Variants in WDPCP observed in about 807,000 individuals in gnomAD.
WDPCP encodes the protein WD repeat-containing and planar cell polarity effector protein fritz homolog.
In WDPCP, 71 loss-of-function variants were observed where a neutral mutation model predicts 93.1. That is an observed-to-expected ratio of 0.76 (90% CI 0.63 to 0.93). WDPCP has a LOEUF of 0.93. Among genes scored for constraint, WDPCP ranks in the 40% least tolerant of loss-of-function variants. The pLI is 0.00. For synonymous variants in WDPCP, 315 were observed against 315.0 expected, an observed-to-expected ratio of 1.00 and a Z score of 0.00; for missense variants, 844 against 887.4, an observed-to-expected ratio of 0.95 and a Z score of 0.62.
At chr2:63,357,325 A>G (rs1690092099) in intron 12 of WDPCP, among the ~76,000 whole-genome samples, 1 of 152,232 alleles carries the variant, frequency 6.6e-6, no homozygotes, top group African/African-American at 2.4e-5. Flanking sequence ...CAACAGAGTA[A>G]ACAGACAACT....
At chr2:63,710,199 G>A (rs1575754439) in intron 2 of WDPCP, among the ~76,000 whole-genome samples, 1 of 152,270 alleles carries the variant, frequency 6.6e-6, no homozygotes, top group African/African-American at 2.4e-5. Context: ...GTGGGGTGGC[G>A]ATGAGCAGCA....
At chr2:63,609,840 T>C (rs1258423088) in intron 3 of WDPCP, among the ~76,000 whole-genome samples, 3 of 152,138 alleles carry the variant, frequency 2.0e-5, no homozygotes, top group Admixed American at 6.5e-5. Context: ...CCACTGCACT[T>C]TAGTCTGGGT....
At chr2:63,472,716 C>T (rs767572173) in intron 6 of WDPCP, among the ~76,000 whole-genome samples, 6 of 152,042 alleles carry the variant, frequency 3.9e-5, no homozygotes, top group South Asian at 2.1e-4. Flanking sequence ...TGTGCCACCA[C>T]GCCTGGCTAA....
intron 2 of WDPCP, among the ~76,000 whole-genome samples, chr2:63,774,179 G>A (rs1451300444): frequency 6.6e-6 from 1 of 151,972 alleles, no homozygotes; most frequent in Non-Finnish European, 1.5e-5. Context: ...ACAGTGCCAA[G>A]CAATTATGGA....
intron 1 of WDPCP, among the ~76,000 whole-genome samples, chr2:63,507,272 GT>G (rs1156257908): frequency 1.3e-5 from 2 of 151,868 alleles, no homozygotes; most frequent in African/African-American, 4.8e-5. Context: ...AAAAAAATAG[GT>G]CACATAAAAA....
chr2:63,687,191 C>T (rs1428565581), intron 2 of WDPCP, among the ~76,000 whole-genome samples: 1 of 152,190 alleles, frequency 6.6e-6, no homozygotes, highest in African/African-American at 2.4e-5. Context: ...GTTGGACAAG[C>T]TTGACGTAAA....
At chr2:63,387,327 A>G (rs1367543436) in intron 10 of WDPCP, among the ~76,000 whole-genome samples, 1 of 152,200 alleles carries the variant, frequency 6.6e-6, no homozygotes, top group African/African-American at 2.4e-5. Flanking sequence ...TTAGGTCAAC[A>G]TACACAAATC....
intron 13 of WDPCP, among the ~76,000 whole-genome samples, chr2:63,269,832 C>T (rs906696968): frequency 1.3e-5 from 2 of 152,156 alleles, no homozygotes; most frequent in Non-Finnish European, 2.9e-5. Context: ...TACAGCTTTA[C>T]AGGTTTAAAC....
intron 17 of WDPCP, among the ~76,000 whole-genome samples, chr2:63,135,022 C>T (rs1450441714): frequency 6.6e-6 from 1 of 152,096 alleles, no homozygotes; most frequent in African/African-American, 2.4e-5. Context: ...ACCTGGGAGG[C>T]TCAGGTGGGA....
At chr2:63,739,599 C>G (rs1306544093) in intron 2 of WDPCP, among the ~76,000 whole-genome samples, 1 of 151,892 alleles carries the variant, frequency 6.6e-6, no homozygotes, top group African/African-American at 2.4e-5. Flanking sequence ...TGAGGAATCA[C>G]CACACTGCTT....
At chr2:63,427,014 A>C (rs1696369104) in intron 9 of WDPCP, among the ~76,000 whole-genome samples, 1 of 152,204 alleles carries the variant, frequency 6.6e-6, no homozygotes, top group Admixed American at 6.5e-5. Flanking sequence ...AACAATAAAA[A>C]AAGGTTCGAT....
chr2:63,258,130 T>G (rs1332109622), intron 14 of WDPCP, among the ~76,000 whole-genome samples: 7 of 152,174 alleles, frequency 4.6e-5, no homozygotes, highest in African/African-American at 1.7e-4. Context: ...CAATAAATAT[T>G]AAGTGCTATT....
At chr2:63,832,491 G>A (rs1373217109), upstream of WDPCP, among the ~76,000 whole-genome samples, 1 of 152,196 alleles carries the variant, frequency 6.6e-6, no homozygotes, top group Non-Finnish European at 1.5e-5. Flanking sequence ...AAAAGAGCAA[G>A]GGGCACAGGG....
At chr2:63,293,536 C>T (rs1269694532) in intron 13 of WDPCP, among the ~76,000 whole-genome samples, 1 of 151,454 alleles carries the variant, frequency 6.6e-6, no homozygotes, top group Non-Finnish European at 1.5e-5. Context: ...AAAAAATAAA[C>T]AGAAACTGTC....
intron 12 of WDPCP, among the ~76,000 whole-genome samples, chr2:63,367,564 G>T (rs967086637): frequency 6.6e-5 from 10 of 152,094 alleles, no homozygotes; most frequent in African/African-American, 2.4e-4. Flanking sequence ...AATTGTTCAT[G>T]TCTATATATA....
chr2:63,307,964 G>A (rs1263634231), intron 13 of WDPCP, among the ~76,000 whole-genome samples: 2 of 152,098 alleles, frequency 1.3e-5, no homozygotes, highest in Non-Finnish European at 2.9e-5. Context: ...GAAAATTTTT[G>A]CAATGTATCC....
chr2:63,134,904 C>T (rs1670515927), intron 17 of WDPCP, among the ~76,000 whole-genome samples: 1 of 152,156 alleles, frequency 6.6e-6, no homozygotes, highest in Admixed American at 6.5e-5. Flanking sequence ...AGGTGGATTG[C>T]TTGAACTCAG....
At chr2:63,617,733 T>C (rs1003235650) in intron 3 of WDPCP, among the ~76,000 whole-genome samples, 5 of 152,222 alleles carry the variant, frequency 3.3e-5, no homozygotes, top group Admixed American at 3.3e-4. Flanking sequence ...ATTTCCTTTA[T>C]AAATGTAAAT....
intron 2 of WDPCP, among the ~76,000 whole-genome samples, chr2:63,681,794 G>T (rs142762559): frequency 6.6e-6 from 1 of 152,204 alleles, no homozygotes; most frequent in South Asian, 2.1e-4. Context: ...GGCCACAGTG[G>T]TGCTTGTATC....
Sources: gnomAD v4.1 joint callset for allele counts (sites outside exome capture counted in the v4.1 genomes callset) on GRCh38, gnomAD v4.1.1 for gene constraint, MANE v1.5 for transcripts, NCBI Gene and HGNC (gene_info 2026-07-23, HGNC 2026-07-21) for gene names.